PIBF1: variants seen among roughly 807,000 people sequenced by gnomAD.
PIBF1 encodes the protein progesterone immunomodulatory binding factor 1, also known as progesterone-induced-blocking factor 1.
PIBF1 carries 90 observed loss-of-function variants against 112.5 expected under a neutral mutation model. The observed-to-expected ratio is 0.80, with a 90% CI of 0.67 to 0.95. The LOEUF (loss-of-function observed/expected upper bound fraction) is 0.95. Among genes scored for constraint, PIBF1 ranks in the 40% least tolerant of loss-of-function variants. PIBF1 has a pLI of 0.00. For synonymous variants in PIBF1, 301 were observed against 288.6 expected, an observed-to-expected ratio of 1.04 and a Z score of -0.44; for missense variants, 915 against 852.3, an observed-to-expected ratio of 1.07 and a Z score of -0.92.
Position 73,003,836 on chromosome 13 carries a change from A to C in PIBF1, c.2223+4841A>C, listed in dbSNP as rs539312522. ...GTGATCCTCCCAACTCAGCCTCCCA[A>C]ATAGCTGAGACCACATGTGCACACC... On this transcript the variant is annotated intron_variant, in intron 17 of 17. Coordinates refer to ENST00000326291, the MANE Select transcript of PIBF1 (RefSeq NM_006346.4). Among the ~76,000 whole-genome samples, 121 of 152,000 alleles carry C rather than the reference A, an allele frequency of 8.0e-4. 1 individual carries two copies. In the South Asian group the frequency reaches 0.025, roughly 31 times the overall value.
intron 16 of PIBF1, 46 bp downstream of exon 16, chr13:72,973,721 T>TAA: frequency 9.9e-7 from 1 of 1,013,502 alleles, no homozygotes; most frequent in Non-Finnish European, 1.5e-6. Flanking sequence ...TAGGCTTTTT[T>TAA]AAAAACTGCT....
chr13:72,945,649 A>G (rs1388301030), intron 14 of PIBF1, among the ~76,000 whole-genome samples: 1 of 152,078 alleles, frequency 6.6e-6, no homozygotes, highest in African/African-American at 2.4e-5. Flanking sequence ...TTTTTGAAAA[A>G]CTGTTTTTTA....
chr13:72,832,193 A>C (rs2138188880), intron 8 of PIBF1, among the ~76,000 whole-genome samples: 1 of 148,950 alleles, frequency 6.7e-6, no homozygotes, highest in Admixed American at 6.9e-5. Context: ...TGAATACAGC[A>C]CACTCATGGG....
chr13:72,896,605 A>G (rs1370895378), intron 11 of PIBF1, among the ~76,000 whole-genome samples: 1 of 152,208 alleles, frequency 6.6e-6, no homozygotes, highest in Non-Finnish European at 1.5e-5. Context: ...AAGAAAAAAA[A>G]TCAAAAATTC....
rs779528759 is a variant in PIBF1 at position 72,908,626 on chromosome 13, C to G, written c.1584C>G (p.Asp528Glu). The change falls in exon 12 of 18, where the codon GAC becomes GAG. Residue 528 changes from aspartate (D) to glutamate (E), a missense_variant. By Grantham distance (45) the Asp-to-Glu change is conservative. Transcript: ENST00000326291. Reference protein sequence around the residue: ...AQNSEHQARLDIYEKLEKELD... With the variant: ...AQNSEHQARLEIYEKLEKELD... Reference sequence around the variant, plus strand: ...ACTCAGAGCATCAAGCAAGGCTAGACATTTATGAGAAACTGGAAAAAGAGC... The same window carrying G: ...ACTCAGAGCATCAAGCAAGGCTAGAGATTTATGAGAAACTGGAAAAAGAGC... 5.0e-6 allele frequency: 8 copies of G among 1,612,942 alleles called. No homozygotes were observed. In the Admixed American group the frequency reaches 1.3e-4, roughly 27 times the overall value.
At chr13:72,825,040 A>G (rs2036738343) in intron 6 of PIBF1, among the ~76,000 whole-genome samples, 2 of 152,228 alleles carry the variant, frequency 1.3e-5, no homozygotes, top group Non-Finnish European at 2.9e-5. Flanking sequence ...ATAAAAAGTC[A>G]TAAAACACAA....
At chr13:72,916,397 A>AATATATATATATAT (rs10665584) in intron 12 of PIBF1, among the ~76,000 whole-genome samples, 6 of 138,152 alleles carry the variant, frequency 4.3e-5, no homozygotes, top group African/African-American at 1.9e-4. Flanking sequence ...CATCTCAAAA[A>AATATATATATATAT]ATATATATAT....
At chr13:72,928,028 T>TATATATATAC (rs1555316969) in intron 13 of PIBF1, among the ~76,000 whole-genome samples, 1 of 58,870 alleles carries the variant, frequency 1.7e-5, no homozygotes, top group Non-Finnish European at 3.8e-5. Flanking sequence ...TATATATACA[T>TATATATATAC]ATATATATAT....
chr13:72,863,575 G>A (rs527635732), intron 10 of PIBF1, among the ~76,000 whole-genome samples: 39 of 150,698 alleles, frequency 2.6e-4, no homozygotes, highest in African/African-American at 8.8e-4. Flanking sequence ...GGAGAATGGC[G>A]TGAACCCAGG....
intron 10 of PIBF1, among the ~76,000 whole-genome samples, chr13:72,892,803 C>G (rs962722670): frequency 1.3e-5 from 2 of 151,330 alleles, no homozygotes; most frequent in Admixed American, 1.3e-4. Flanking sequence ...CACACACACA[C>G]ACACACGCAC....
At chr13:72,872,991 C>G (rs2039229556) in intron 10 of PIBF1, among the ~76,000 whole-genome samples, 1 of 152,126 alleles carries the variant, frequency 6.6e-6, no homozygotes, top group Non-Finnish European at 1.5e-5. Context: ...GATTTGAACA[C>G]TTAATTTTGC....
At chr13:72,981,106 G>C (rs1325805054) in intron 16 of PIBF1, among the ~76,000 whole-genome samples, 1 of 151,566 alleles carries the variant, frequency 6.6e-6, no homozygotes, top group East Asian at 2.0e-4. Flanking sequence ...TTCGCCGGGC[G>C]TGGTGGCAGA....
At chr13:72,836,124 T>C (rs2037351976) in intron 9 of PIBF1, 1 of 452,900 alleles carries the variant, frequency 2.2e-6, no homozygotes, top group Admixed American at 2.4e-5. Flanking sequence ...AAAAGAAATA[T>C]CATTTTTATT....
At chr13:72,999,360 G>C (rs1333117103) in intron 17 of PIBF1, among the ~76,000 whole-genome samples, 1 of 151,838 alleles carries the variant, frequency 6.6e-6, no homozygotes, top group Non-Finnish European at 1.5e-5. Flanking sequence ...TAAAAATAGA[G>C]AAAATAAATT....
intron 10 of PIBF1, among the ~76,000 whole-genome samples, chr13:72,867,743 A>G (rs2038986426): frequency 6.6e-6 from 1 of 152,208 alleles, no homozygotes; most frequent in Admixed American, 6.5e-5. Flanking sequence ...TAAAACTCCA[A>G]GGTAGTGTGT....
intron 2 of PIBF1, among the ~76,000 whole-genome samples, chr13:72,791,147 CG>C (rs1201685933): frequency 6.6e-6 from 1 of 152,022 alleles, no homozygotes; most frequent in Non-Finnish European, 1.5e-5. Flanking sequence ...CTCCGCCTCC[CG>C]GGTTCACGCG....
chr13:72,993,961 A>C (rs1169127021), intron 16 of PIBF1, among the ~76,000 whole-genome samples: 2 of 152,092 alleles, frequency 1.3e-5, no homozygotes, highest in Admixed American at 6.6e-5. Context: ...AAAGTTAAAA[A>C]GTTAACTGGG....
intron 17 of PIBF1, among the ~76,000 whole-genome samples, chr13:73,010,665 A>AGCCCTAG (rs2044169312): frequency 6.6e-6 from 1 of 151,988 alleles, no homozygotes; most frequent in Non-Finnish European, 1.5e-5. Context: ...GAATAGTGAC[A>AGCCCTAG]GCCCTAGACT....
chr13:72,852,504 T>C (rs917330595), intron 9 of PIBF1, among the ~76,000 whole-genome samples: 3 of 152,118 alleles, frequency 2.0e-5, no homozygotes, highest in Non-Finnish European at 4.4e-5. Flanking sequence ...AGGTGTGAGA[T>C]CCCGGCCAGT....
Sources: allele counts gnomAD v4.1 joint callset (sites outside exome capture counted in the v4.1 genomes callset), GRCh38; gene constraint gnomAD v4.1.1; transcripts MANE v1.5; gene names NCBI Gene and HGNC (gene_info 2026-07-23, HGNC 2026-07-21).